The following EIPR1 variants were observed in gnomAD, a reference collection of about 807,000 sequenced individuals.
EIPR1 encodes EARP complex and GARP complex interacting protein 1.
In EIPR1, 25 loss-of-function variants were observed where a neutral mutation model predicts 48.1. The ratio of observed to expected loss-of-function variants is 0.52; its 90% CI spans 0.38 to 0.73. EIPR1 has a LOEUF of 0.73. EIPR1 is among the 30% of genes least tolerant of loss of function. The pLI is 0.00. For missense variants in EIPR1, 415 were observed against 506.2 expected (o/e 0.82, Z 1.73); for synonymous variants, 204 against 201.9 (o/e 1.01, Z -0.09).
intron 4 of EIPR1, among the ~76,000 whole-genome samples, chr2:3,237,003 G>A (rs1666424955): frequency 2.0e-5 from 3 of 152,188 alleles, no homozygotes; most frequent in East Asian, 1.9e-4. Flanking sequence ...GAAAAACAAA[G>A]CCGGGTGGCT....
At chr2:3,302,680 C>T (rs992729366) in intron 3 of EIPR1, among the ~76,000 whole-genome samples, 7 of 152,232 alleles carry the variant, frequency 4.6e-5, no homozygotes, top group Admixed American at 1.3e-4. Context: ...AGGCCCGCTG[C>T]GGATCCACAG....
chr2:3,325,230 C>A (rs1669658692), intron 3 of EIPR1, among the ~76,000 whole-genome samples: 1 of 152,200 alleles, frequency 6.6e-6, no homozygotes, highest in South Asian at 2.1e-4. Context: ...CACTGAGCAG[C>A]CCCAAGAGGT....
chr2:3,345,881 T>C (rs908187693), intron 2 of EIPR1, among the ~76,000 whole-genome samples: 1 of 152,104 alleles, frequency 6.6e-6, no homozygotes, highest in Non-Finnish European at 1.5e-5. Flanking sequence ...GGGCACCATG[T>C]TAATCTTTCT....
At chr2:3,273,667 C>T (rs564512065) in intron 3 of EIPR1, among the ~76,000 whole-genome samples, 1 of 112,008 alleles carries the variant, frequency 8.9e-6, no homozygotes, top group South Asian at 3.8e-4. Context: ...AATCCTAAGC[C>T]AAGAATCTAA....
intron 3 of EIPR1, among the ~76,000 whole-genome samples, chr2:3,263,134 G>A (rs913596583): frequency 1.3e-5 from 2 of 152,226 alleles, no homozygotes; most frequent in South Asian, 2.1e-4. Flanking sequence ...GCTGTCAGAC[G>A]GCTACGCTCA....
chr2:3,339,804 G>T (rs1220609052), intron 2 of EIPR1, among the ~76,000 whole-genome samples: 1 of 152,196 alleles, frequency 6.6e-6, no homozygotes, highest in Non-Finnish European at 1.5e-5. Context: ...CAAAAAATTA[G>T]CCGGGCGTGG....
intron 3 of EIPR1, chr2:3,319,418 T>C (rs1669421677): frequency 5.6e-6 from 1 of 179,722 alleles, no homozygotes; most frequent in Middle Eastern, 2.7e-3. Flanking sequence ...GAGCACTCGA[T>C]GGGAGCTGTC....
Position 3,330,565 on chromosome 2 carries a change from G to A in EIPR1, c.259+7452C>T, listed in dbSNP as rs115043610. Reference sequence around the variant, plus strand: ...ACAGTGTGAGCAGAGGTAGGAATGCGCACACTCACGAGACAGTGTGAGCAG... The same window carrying A: ...ACAGTGTGAGCAGAGGTAGGAATGCACACACTCACGAGACAGTGTGAGCAG... On this transcript the variant is annotated intron_variant, in intron 3 of 8. Transcript: ENST00000382125. Among the ~76,000 whole-genome samples, 525 of 104,738 alleles carry A rather than the reference G, an allele frequency of 5.0e-3. 1 individual carries two copies. The highest frequency in any genetic ancestry group is 8.9e-3 in the Non-Finnish European group (383 of 43,080). The allele number at this position is 104,738 out of a possible 152,430, so 68.7% of individuals were successfully genotyped here. A position where few individuals can be genotyped will look rare whatever the true frequency, so the allele number is the denominator to read the frequency against.
At chr2:3,377,545 C>T (rs1175696136) in intron 1 of EIPR1, 103 bp downstream of exon 1, 1 of 1,416,122 alleles carries the variant, frequency 7.1e-7, no homozygotes, top group South Asian at 1.3e-5. Flanking sequence ...GACACGGGTC[C>T]TTGCAGGGCT....
chr2:3,269,255 CGCACTCAGTCATGGCACTCAGTCATG>C lies in EIPR1; in HGVS notation c.260-11826_260-11801del, dbSNP rs1261651198. ...GCACTCAGTCATCGCACTCAGTCATCGCACTCAGTCATGGCACTCAGTCATGGCACTCAGTCATGGCACTCAGTCAT... is the reference window on the plus strand; with the variant it reads ...GCACTCAGTCATCGCACTCAGTCATCGCACTCAGTCATGGCACTCAGTCAT... On this transcript the variant is annotated intron_variant, in intron 3 of 8. Transcript: ENST00000382125. 4.0e-4 allele frequency among the ~76,000 whole-genome samples: 39 copies of C among 97,782 alleles called. 3 individuals are homozygous for C. The highest frequency in any genetic ancestry group is 3.8e-3 in the South Asian group (9 of 2,368). 64.1% of individuals were successfully genotyped at this position (97,782 alleles called of 152,430 possible). A position where few individuals can be genotyped will look rare whatever the true frequency, so the allele number is the denominator to read the frequency against.
intron 1 of EIPR1, among the ~76,000 whole-genome samples, chr2:3,375,030 C>T (rs1400896022): frequency 1.4e-4 from 21 of 148,074 alleles, no homozygotes; most frequent in Non-Finnish European, 2.7e-4. Context: ...CACATATACA[C>T]CATGGAATAC....
At chr2:3,234,752 C>G (rs1029116631) in intron 4 of EIPR1, among the ~76,000 whole-genome samples, 6 of 152,386 alleles carry the variant, frequency 3.9e-5, no homozygotes, top group Non-Finnish European at 8.8e-5. Flanking sequence ...CAGTCTCTCT[C>G]CAAGCCCTGC....
chr2:3,348,028 C>T (rs80264834), intron 2 of EIPR1, among the ~76,000 whole-genome samples: 3,886 of 152,188 alleles, frequency 0.026, 67 homozygotes, highest in Non-Finnish European at 0.039. Flanking sequence ...GACCAAGCAC[C>T]CTGGTGATTC....
chr2:3,330,069 C>G (rs889484969), intron 3 of EIPR1, among the ~76,000 whole-genome samples: 2 of 152,252 alleles, frequency 1.3e-5, no homozygotes, highest in African/African-American at 4.8e-5. Context: ...CTTCCTGGGT[C>G]AGAGGTCCTT....
chr2:3,205,011 C>G (rs1665180815), intron 5 of EIPR1, among the ~76,000 whole-genome samples: 1 of 152,198 alleles, frequency 6.6e-6, no homozygotes, highest in Non-Finnish European at 1.5e-5. Context: ...AAATGGAGGA[C>G]CAGCAGAGGG....
chr2:3,351,387 C>T (rs1275209161), intron 2 of EIPR1, among the ~76,000 whole-genome samples: 1 of 152,212 alleles, frequency 6.6e-6, no homozygotes, highest in Non-Finnish European at 1.5e-5. Flanking sequence ...TTACTACATT[C>T]TGGCTAAGAG....
chr2:3,318,658 C>T (rs1029109784), intron 3 of EIPR1, among the ~76,000 whole-genome samples: 1 of 152,234 alleles, frequency 6.6e-6, no homozygotes, highest in Non-Finnish European at 1.5e-5. Context: ...AAGCCCCTTG[C>T]TATTCACGTC....
intron 3 of EIPR1, among the ~76,000 whole-genome samples, chr2:3,324,402 T>C (rs986619181): frequency 6.6e-6 from 1 of 150,444 alleles, no homozygotes; most frequent in African/African-American, 2.5e-5. Context: ...GCCCAGTGCT[T>C]AGACAGTGTC....
At chr2:3,220,047 G>A (rs1665825141) in intron 4 of EIPR1, among the ~76,000 whole-genome samples, 1 of 152,230 alleles carries the variant, frequency 6.6e-6, no homozygotes, top group South Asian at 2.1e-4. Flanking sequence ...CTGTGCATGA[G>A]AGGGATCTAG....
Sources: gnomAD v4.1 joint callset for allele counts (sites outside exome capture counted in the v4.1 genomes callset) on GRCh38, gnomAD v4.1.1 for gene constraint, MANE v1.5 for transcripts, NCBI Gene and HGNC (gene_info 2026-07-23, HGNC 2026-07-21) for gene names.